OPCML: variants seen among roughly 807,000 people sequenced by gnomAD.
The protein encoded by OPCML is opioid-binding protein/cell adhesion molecule.
Under a neutral mutation model 37.8 loss-of-function variants are expected in OPCML, and 13 were observed. The ratio of observed to expected loss-of-function variants is 0.34; its 90% CI spans 0.22 to 0.55. The LOEUF is 0.55. Ranked by LOEUF, OPCML falls within the 20% of genes least tolerant of loss-of-function variation. OPCML has a pLI of 0.91. For missense variants in OPCML, 341 were observed against 435.6 expected, an observed-to-expected ratio of 0.78 and a Z score of 1.93; for synonymous variants, 176 against 168.8, an observed-to-expected ratio of 1.04 and a Z score of -0.33.
At position 133,291,929 on chromosome 11, in the gene OPCML, C is replaced by G. The variant is rs145737613; in HGVS notation, c.61+240335G>C. ...GAGAAGCCAGCTCGCTCTGGATGTG[C>G]GATTCTGCAGTCTGTGAAGGCACAG... On this transcript the variant is annotated intron_variant, in intron 1 of 7. Transcript: ENST00000524381. Among the ~76,000 whole-genome samples the G allele has an allele frequency of 5.9e-5, 9 of 152,318 alleles. No homozygotes were observed. The East Asian group carries it at 1.7e-3, about 29-fold the overall frequency.
At chr11:133,291,741 C>T (rs1447840304) in intron 1 of OPCML, among the ~76,000 whole-genome samples, 1 of 152,192 alleles carries the variant, frequency 6.6e-6, no homozygotes, top group Non-Finnish European at 1.5e-5. Flanking sequence ...GGCATCTGAG[C>T]ACAAATTGAA....
At chr11:133,009,557 T>C (rs1947177254) in intron 1 of OPCML, among the ~76,000 whole-genome samples, 1 of 152,206 alleles carries the variant, frequency 6.6e-6, no homozygotes, top group Non-Finnish European at 1.5e-5. Context: ...AGTTGGACAG[T>C]AGAAAGCAGC....
At chr11:133,411,272 G>T (rs1252888526) in intron 1 of OPCML, among the ~76,000 whole-genome samples, 1 of 152,118 alleles carries the variant, frequency 6.6e-6, no homozygotes, top group Admixed American at 6.5e-5. Context: ...GCTTAAACTT[G>T]GATTTAATAC....
Position 133,098,748 on chromosome 11 carries a change from T to A in OPCML, c.62-155738A>T, listed in dbSNP as rs932156428. On this transcript the variant is annotated intron_variant, in intron 1 of 7. Transcript: ENST00000524381. ...GTGGTGAGAAACTAGACTTCCCCAC[T>A]AAAATTAAGAATAAGTCAGAGATGT... Among the ~76,000 whole-genome samples, 3 of 152,188 alleles carry A rather than the reference T, an allele frequency of 2.0e-5. No individual in the cohort carries two copies. In the East Asian group the frequency reaches 5.8e-4, roughly 29 times the overall value.
At chr11:132,643,926 AC>A in intron 3 of OPCML, among the ~76,000 whole-genome samples, 1 of 152,292 alleles carries the variant, frequency 6.6e-6, no homozygotes, top group Admixed American at 6.5e-5. Context: ...AAGAGACCAA[AC>A]TTTTTGTCCT....
intron 1 of OPCML, among the ~76,000 whole-genome samples, chr11:133,252,840 G>T (rs942736940): frequency 5.9e-5 from 9 of 152,090 alleles, no homozygotes; most frequent in Non-Finnish European, 1.2e-4. Context: ...TGAATCCCAG[G>T]TTCTACTATA....
intron 2 of OPCML, among the ~76,000 whole-genome samples, chr11:132,688,345 G>T (rs1943253353): frequency 6.6e-6 from 1 of 152,086 alleles, no homozygotes; most frequent in Admixed American, 6.5e-5. Context: ...AACATGAGGA[G>T]AAACAAGAGC....
chr11:133,057,271 C>A (rs1033234925), intron 1 of OPCML, among the ~76,000 whole-genome samples: 8 of 152,220 alleles, frequency 5.3e-5, no homozygotes, highest in Non-Finnish European at 1.0e-4. Flanking sequence ...TCTTACATAA[C>A]CTCTGTTGCC....
intron 1 of OPCML, among the ~76,000 whole-genome samples, chr11:132,963,053 C>T (rs1490498404): frequency 3.9e-5 from 6 of 152,140 alleles, no homozygotes; most frequent in East Asian, 3.9e-4. Context: ...GGCTCCAACA[C>T]GGGAAACTGG....
chr11:133,398,297 C>G (rs1188993485), intron 1 of OPCML, among the ~76,000 whole-genome samples: 2 of 152,200 alleles, frequency 1.3e-5, no homozygotes, highest in Non-Finnish European at 2.9e-5. Flanking sequence ...CCAATGTGGT[C>G]CTTTTGGAAA....
chr11:133,267,165 C>A (rs1941687448), intron 1 of OPCML, among the ~76,000 whole-genome samples: 2 of 151,826 alleles, frequency 1.3e-5, no homozygotes, highest in Non-Finnish European at 2.9e-5. Context: ...ATTAAAATGA[C>A]CTTGGCTCCA....
chr11:133,166,101 T>C (rs971989516), intron 1 of OPCML, among the ~76,000 whole-genome samples: 2 of 152,222 alleles, frequency 1.3e-5, no homozygotes, highest in Non-Finnish European at 2.9e-5. Flanking sequence ...GTCACTTTTA[T>C]ATGAAAGTCA....
chr11:133,523,154 A>C (rs942272620), intron 1 of OPCML, among the ~76,000 whole-genome samples: 1 of 152,192 alleles, frequency 6.6e-6, no homozygotes, highest in African/African-American at 2.4e-5. Flanking sequence ...GAGTTATTCA[A>C]TTTTAAGCCC....
At chr11:132,422,568 T>G (rs1328628858) in intron 7 of OPCML, among the ~76,000 whole-genome samples, 1 of 152,010 alleles carries the variant, frequency 6.6e-6, no homozygotes, top group Non-Finnish European at 1.5e-5. Context: ...CAACACACGT[T>G]CACACCGTGC....
intron 2 of OPCML, among the ~76,000 whole-genome samples, chr11:132,725,231 T>C (rs908408634): frequency 1.2e-4 from 18 of 152,244 alleles, no homozygotes; most frequent in African/African-American, 2.9e-4. Flanking sequence ...CTCTGAAATA[T>C]TGACTTCTGT....
chr11:132,765,229 G>T (rs570357531), intron 2 of OPCML, among the ~76,000 whole-genome samples: 54 of 152,334 alleles, frequency 3.5e-4, no homozygotes, highest in Non-Finnish European at 5.9e-4. Context: ...TCTTGTTTCT[G>T]TTCTTAGTTG....
At chr11:132,513,041 T>C (rs973681461) in intron 4 of OPCML, among the ~76,000 whole-genome samples, 1 of 152,152 alleles carries the variant, frequency 6.6e-6, no homozygotes, top group Non-Finnish European at 1.5e-5. Context: ...TAGCCATTCA[T>C]GATTCACTCT....
chr11:133,135,540 A>C (rs1342378175), intron 1 of OPCML, among the ~76,000 whole-genome samples: 4 of 149,074 alleles, frequency 2.7e-5, no homozygotes, highest in Admixed American at 6.8e-5. Context: ...ACCTGTCCCT[A>C]CCCAGTTGAA....
intron 2 of OPCML, among the ~76,000 whole-genome samples, chr11:132,893,170 C>G (rs1943715638): frequency 6.6e-6 from 1 of 151,946 alleles, no homozygotes; most frequent in African/African-American, 2.4e-5. Context: ...TTCACTTGGA[C>G]AGGAGCTATA....
Sources: gnomAD v4.1 joint callset for allele counts (sites outside exome capture counted in the v4.1 genomes callset) on GRCh38, gnomAD v4.1.1 for gene constraint, MANE v1.5 for transcripts, NCBI Gene and HGNC (gene_info 2026-07-23, HGNC 2026-07-21) for gene names.